Variants in MIR2052HG observed in about 807,000 individuals in gnomAD.
MIR2052HG encodes the protein MIR2052 host gene.
chr8:74,730,160 G>A (rs1351910090), intron 4 of MIR2052HG, among the ~76,000 whole-genome samples: 1 of 152,100 alleles, frequency 6.6e-6, no homozygotes, highest in African/African-American at 2.4e-5. Context: ...ACTCTAAGAA[G>A]ATAAGGTTGT....
At chr8:74,675,312 T>C (rs1809039192) in intron 2 of MIR2052HG, among the ~76,000 whole-genome samples, 1 of 152,088 alleles carries the variant, frequency 6.6e-6, no homozygotes, top group African/African-American at 2.4e-5. Flanking sequence ...GTGCTGAACA[T>C]GTACATACTT....
intron 2 of MIR2052HG, among the ~76,000 whole-genome samples, chr8:74,645,688 G>A (rs543155211): frequency 2.6e-5 from 4 of 152,278 alleles, no homozygotes; most frequent in East Asian, 1.9e-4. Flanking sequence ...AAGCCCAAAC[G>A]GGTTTACTGG....
intron 2 of MIR2052HG, among the ~76,000 whole-genome samples, chr8:74,614,676 C>CT (rs368458589): frequency 6.6e-6 from 1 of 151,750 alleles, no homozygotes; most frequent in Non-Finnish European, 1.5e-5. Context: ...TATTTCTTTT[C>CT]TTTTTTTCTC....
intron 4 of MIR2052HG, among the ~76,000 whole-genome samples, chr8:74,720,507 T>C (rs1586923056): frequency 6.6e-6 from 1 of 152,226 alleles, no homozygotes; most frequent in East Asian, 1.9e-4. Flanking sequence ...TGTCAAATGA[T>C]CTGCCATAAA....
intron 2 of MIR2052HG, among the ~76,000 whole-genome samples, chr8:74,665,478 T>C (rs1185145034): frequency 6.6e-6 from 1 of 152,180 alleles, no homozygotes; most frequent in East Asian, 1.9e-4. Context: ...AGGTCACCAA[T>C]GACCTCCCCA....
chr8:74,689,284 A>C (rs183347817), intron 2 of MIR2052HG, among the ~76,000 whole-genome samples: 1 of 152,344 alleles, frequency 6.6e-6, no homozygotes, highest in East Asian at 1.9e-4. Context: ...TTAAGTAATA[A>C]ACAACCATCA....
chr8:74,693,003 A>G (rs1365323381), intron 2 of MIR2052HG, among the ~76,000 whole-genome samples: 1 of 152,352 alleles, frequency 6.6e-6, no homozygotes, highest in East Asian at 1.9e-4. Context: ...TCAAGTGTGT[A>G]AAGTTTTCCA....
At chr8:74,683,802 A>G (rs1809150982) in intron 2 of MIR2052HG, among the ~76,000 whole-genome samples, 1 of 152,078 alleles carries the variant, frequency 6.6e-6, no homozygotes, top group Non-Finnish European at 1.5e-5. Flanking sequence ...AGCTATTTCT[A>G]GCATAACTTG....
intron 2 of MIR2052HG, among the ~76,000 whole-genome samples, chr8:74,640,752 T>C (rs1249545563): frequency 1.3e-5 from 2 of 151,618 alleles, no homozygotes; most frequent in African/African-American, 4.8e-5. Context: ...ATCGTCCTTT[T>C]TAATTCAGCC....
chr8:74,747,003 C>T (rs1809894991), intron 4 of MIR2052HG, among the ~76,000 whole-genome samples: 1 of 152,074 alleles, frequency 6.6e-6, no homozygotes, highest in Admixed American at 6.6e-5. Context: ...AAAAAGCTAC[C>T]AAAGAATAAA....
intron 2 of MIR2052HG, among the ~76,000 whole-genome samples, chr8:74,635,079 A>T (rs1466578512): frequency 1.3e-5 from 2 of 152,148 alleles, no homozygotes; most frequent in African/African-American, 2.4e-5. Flanking sequence ...GTTGGGGGTG[A>T]ATGGAAATGT....
rs191652987 is a variant in MIR2052HG at position 74,660,857 on chromosome 8, A to C, written n.217-41522A>C. 6.0e-3 allele frequency among the ~76,000 whole-genome samples: 616 copies of C among 102,896 alleles called. 5 individuals are homozygous for C. The highest frequency in any genetic ancestry group is 9.7e-3 in the Non-Finnish European group (511 of 52,846). 67.5% of individuals were successfully genotyped at this position (102,896 alleles called of 152,430 possible). A position where few individuals can be genotyped will look rare whatever the true frequency, so the allele number is the denominator to read the frequency against. ...CTTTCATACACGCTGATCTTATAAA[A>C]GGCTTTATGTTTAAAAAAAATAACA... is the stretch of plus-strand genomic sequence containing the variant. On this transcript the variant is annotated intron_variant and non_coding_transcript_variant, in intron 2 of 6. Transcript: ENST00000523442.
chr8:74,719,578 A>T (rs1028566956), intron 4 of MIR2052HG, among the ~76,000 whole-genome samples: 5 of 152,122 alleles, frequency 3.3e-5, no homozygotes, highest in African/African-American at 1.2e-4. Context: ...TGGCTTCTAG[A>T]TATCAGTTTT....
chr8:74,688,369 A>C (rs957600184), intron 2 of MIR2052HG, among the ~76,000 whole-genome samples: 1 of 152,240 alleles, frequency 6.6e-6, no homozygotes, highest in African/African-American at 2.4e-5. Flanking sequence ...TAGGATACAG[A>C]TATAGAAGAC....
rs571486994 is a variant in MIR2052HG, at chr8:74,627,537, T to C, written n.216+14597T>C. On this transcript the variant is annotated intron_variant and non_coding_transcript_variant, in intron 2 of 6. Coordinates refer to ENST00000523442, the Ensembl canonical transcript of MIR2052HG. ...AACACTTTCCTATTTTTGGTTTAGA[T>C]TTTTTAAGGGAAAATTAAAGCTATT... 2.0e-5 allele frequency among the ~76,000 whole-genome samples: 3 copies of C among 152,344 alleles called. No individual in the cohort carries two copies. The East Asian group carries it at 5.8e-4, about 29-fold the overall frequency.
intron 4 of MIR2052HG, among the ~76,000 whole-genome samples, chr8:74,716,863 A>G (rs547205438): frequency 1.8e-4 from 28 of 152,214 alleles, no homozygotes; most frequent in African/African-American, 6.7e-4. Context: ...GTTGGTGCAA[A>G]TGTAATTGCA....
chr8:74,653,637 G>T (rs1383034692), intron 2 of MIR2052HG, among the ~76,000 whole-genome samples: 2 of 152,160 alleles, frequency 1.3e-5, no homozygotes, highest in Admixed American at 1.3e-4. Context: ...CAGAGTAGCT[G>T]TGTTCAAACC....
intron 2 of MIR2052HG, among the ~76,000 whole-genome samples, chr8:74,677,822 A>G (rs1479233977): frequency 1.3e-5 from 2 of 152,124 alleles, no homozygotes; most frequent in Non-Finnish European, 2.9e-5. Flanking sequence ...AATAATGGCT[A>G]TAGTAAAAAA....
chr8:74,714,654 T>C (rs2128741987), intron 4 of MIR2052HG, among the ~76,000 whole-genome samples: 1 of 152,144 alleles, frequency 6.6e-6, no homozygotes, highest in South Asian at 2.1e-4. Context: ...CTAGAATAAT[T>C]TCTCAGTAAT....
Sources: allele counts gnomAD v4.1 joint callset (sites outside exome capture counted in the v4.1 genomes callset), GRCh38; gene constraint gnomAD v4.1.1; transcripts MANE v1.5; gene names NCBI Gene and HGNC (gene_info 2026-07-23, HGNC 2026-07-21).